The following MCPH1 variants were observed in gnomAD, a reference collection of about 807,000 sequenced individuals.
MCPH1 encodes microcephalin.
MCPH1 carries 104 observed loss-of-function variants against 84.5 expected under a neutral mutation model. The observed-to-expected ratio is 1.23, with a 90% CI of 1.05 to 1.45. The LOEUF (loss-of-function observed/expected upper bound fraction) is 1.45. Among genes scored for constraint, MCPH1 ranks in the 40% most tolerant of loss-of-function variants. The pLI is 0.00. For missense variants in MCPH1, 1,498 were observed against 1,005.7 expected, an observed-to-expected ratio of 1.49 and a Z score of -6.62; for synonymous variants, 514 against 366.8, an observed-to-expected ratio of 1.40 and a Z score of -4.58.
intron 12 of MCPH1, among the ~76,000 whole-genome samples, chr8:6,541,293 C>A (rs572111663): frequency 5.3e-4 from 81 of 152,280 alleles, no homozygotes; most frequent in African/African-American, 1.8e-3. Flanking sequence ...CAGTGCCCAC[C>A]CCAAGTCTCA....
chr8:6,629,823 G>A lies in MCPH1; in HGVS notation c.2452+8132G>A, dbSNP rs181321438. On this transcript the variant is annotated intron_variant, in intron 13 of 13. Transcript: ENST00000344683. ...GGCCAGAGTCATGCAGTGAATTACT[G>A]AAAGACCCAGAACCCCAGTCCTGGC... is the stretch of plus-strand genomic sequence containing the variant. Among the ~76,000 whole-genome samples the A allele has an allele frequency of 5.3e-3, 813 of 152,324 alleles. 7 individuals are homozygous for A. The highest frequency in any genetic ancestry group is 0.014 in the Middle Eastern group (4 of 294).
intron 9 of MCPH1, among the ~76,000 whole-genome samples, chr8:6,470,047 G>C (rs1445924195): frequency 6.6e-6 from 1 of 151,960 alleles, no homozygotes; most frequent in African/African-American, 2.4e-5. Flanking sequence ...TTTTCTCATC[G>C]AATAACAATG....
At chr8:6,582,102 G>A (rs186268833) in intron 12 of MCPH1, among the ~76,000 whole-genome samples, 13 of 152,302 alleles carry the variant, frequency 8.5e-5, no homozygotes, top group African/African-American at 2.9e-4. Flanking sequence ...GCTTGGCTGT[G>A]GGATGGGAAG....
intron 13 of MCPH1, among the ~76,000 whole-genome samples, chr8:6,636,580 A>G (rs1797572432): frequency 6.6e-6 from 1 of 152,198 alleles, no homozygotes; most frequent in African/African-American, 2.4e-5. Context: ...CCTGGCCTCA[A>G]GCGATCTTCC....
chr8:6,476,356 G>T (rs1585997522), intron 9 of MCPH1, among the ~76,000 whole-genome samples: 1 of 150,622 alleles, frequency 6.6e-6, no homozygotes, highest in East Asian at 2.0e-4. Flanking sequence ...TTGAACCCGG[G>T]AGATGGAGGT....
chr8:6,509,078 G>T lies in MCPH1; in HGVS notation c.2214+9149G>T, dbSNP rs749652456. On this transcript the variant is annotated intron_variant, in intron 12 of 13. Transcript: ENST00000344683. ...AAGGTGAATCCTGTAAGCGTGCAAAGAAAAAAAACACATTGGCTAGGGTCA... is the reference window on the plus strand; with the variant it reads ...AAGGTGAATCCTGTAAGCGTGCAAATAAAAAAAACACATTGGCTAGGGTCA... The T allele has an allele frequency of 2.5e-6, 4 of 1,603,728 alleles. No individual in the cohort carries two copies. In the South Asian group the frequency reaches 3.3e-5, roughly 13 times the overall value.
At chr8:6,534,915 G>C (rs779597846) in intron 12 of MCPH1, among the ~76,000 whole-genome samples, 3 of 152,120 alleles carry the variant, frequency 2.0e-5, no homozygotes, top group Non-Finnish European at 2.9e-5. Context: ...CATCGCCATG[G>C]GAGTAATGGA....
intron 13 of MCPH1, among the ~76,000 whole-genome samples, chr8:6,634,675 G>C (rs1797413882): frequency 6.6e-6 from 1 of 152,164 alleles, no homozygotes; most frequent in South Asian, 2.1e-4. Flanking sequence ...CTTCGTACAG[G>C]CCTCTTGTGC....
chr8:6,621,364 TA>T, intron 12 of MCPH1, 89 bp from the exon 13 acceptor site: 1 of 1,500,140 alleles, frequency 6.7e-7, no homozygotes. Flanking sequence ...ATTCTTTTCA[TA>T]AAAAAGGAAG....
rs187258370 is a variant in MCPH1 at position 6,593,858 on chromosome 8, C to A, written c.2215-27596C>A. Among the ~76,000 whole-genome samples, 44 of 152,356 alleles carry A rather than the reference C, an allele frequency of 2.9e-4. 1 individual carries two copies. In the East Asian group the frequency reaches 6.9e-3, roughly 24 times the overall value. On this transcript the variant is annotated intron_variant, in intron 12 of 13. Transcript: ENST00000344683. ...TGCAAAGATTGAGATCATTCCACAA[C>A]AATAGACCTCTGTTCATTGCTTCCT...
chr8:6,490,211 A>C (rs567826859), intron 11 of MCPH1, among the ~76,000 whole-genome samples: 1 of 152,342 alleles, frequency 6.6e-6, no homozygotes, highest in African/African-American at 2.4e-5. Context: ...CTGAACTTTC[A>C]CTTTTGTTTC....
intron 3 of MCPH1, among the ~76,000 whole-genome samples, chr8:6,422,116 C>G (rs969069948): frequency 1.3e-5 from 2 of 152,168 alleles, no homozygotes; most frequent in Non-Finnish European, 2.9e-5. Flanking sequence ...ACTGCTTTAT[C>G]TGTCTGTGTA....
chr8:6,620,632 C>T (rs1831313617), intron 12 of MCPH1, among the ~76,000 whole-genome samples: 1 of 152,154 alleles, frequency 6.6e-6, no homozygotes, highest in African/African-American at 2.4e-5. Flanking sequence ...GAAAAATAAG[C>T]AGGGAAAATA....
chr8:6,597,638 G>T (rs774271015), intron 12 of MCPH1, among the ~76,000 whole-genome samples: 2 of 152,096 alleles, frequency 1.3e-5, no homozygotes, highest in Non-Finnish European at 2.9e-5. Context: ...ACGGAGGGAG[G>T]GCTCAGCGCT....
intron 12 of MCPH1, among the ~76,000 whole-genome samples, chr8:6,592,999 A>C (rs558241756): frequency 6.6e-6 from 1 of 151,056 alleles, no homozygotes; most frequent in Non-Finnish European, 1.5e-5. Flanking sequence ...CTACACCCCA[A>C]ATAAACACAG....
At chr8:6,432,924 TTTGA>T (rs1160487213) in intron 4 of MCPH1, among the ~76,000 whole-genome samples, 1 of 152,252 alleles carries the variant, frequency 6.6e-6, no homozygotes, top group African/African-American at 2.4e-5. Flanking sequence ...CAGACATCTC[TTTGA>T]TTGCCCTCCC....
Position 6,465,363 on chromosome 8 carries a change from G to A in MCPH1, c.1935+10111G>A, listed in dbSNP as rs150186047. 1.2e-3 allele frequency among the ~76,000 whole-genome samples: 184 copies of A among 152,270 alleles called. 3 individuals carry two copies. The East Asian group carries it at 0.03, about 24-fold the overall frequency. ...GGCCACTTCCCGCGGAGCTGTTCAC[G>A]CCAAGTGACCCTGCCACTGCGCTGC... On this transcript the variant is annotated intron_variant, in intron 9 of 13. Transcript: ENST00000344683.
intron 11 of MCPH1, among the ~76,000 whole-genome samples, chr8:6,496,395 C>A (rs906166747): frequency 6.6e-6 from 1 of 152,144 alleles, no homozygotes; most frequent in African/African-American, 2.4e-5. Flanking sequence ...GTTCACCCAC[C>A]ACTCACCTCC....
At chr8:6,472,309 T>G (rs1807833352) in intron 9 of MCPH1, among the ~76,000 whole-genome samples, 1 of 152,268 alleles carries the variant, frequency 6.6e-6, no homozygotes, top group African/African-American at 2.4e-5. Context: ...TAGGGCTGGC[T>G]ATCTTTTTTG....
Sources: allele counts gnomAD v4.1 joint callset (sites outside exome capture counted in the v4.1 genomes callset), GRCh38; gene constraint gnomAD v4.1.1; transcripts MANE v1.5; gene names NCBI Gene and HGNC (gene_info 2026-07-23, HGNC 2026-07-21).